Variants in APBA1 observed in about 807,000 individuals in gnomAD.
The protein encoded by APBA1 is amyloid beta precursor protein binding family A member 1.
A neutral mutation model predicts 86.6 loss-of-function variants in APBA1; 55 were observed. The observed-to-expected ratio is 0.64, with a 90% CI of 0.51 to 0.80. APBA1 has a LOEUF of 0.80. Among genes scored for constraint, APBA1 ranks in the 30% least tolerant of loss-of-function variants. APBA1 has a pLI of 0.00. For synonymous variants in APBA1, 511 were observed against 493.9 expected, an observed-to-expected ratio of 1.03 and a Z score of -0.46; for missense variants, 1,090 against 1,183.0, an observed-to-expected ratio of 0.92 and a Z score of 1.15.
At chr9:69,651,863 C>A (rs1187024687) in intron 1 of APBA1, among the ~76,000 whole-genome samples, 1 of 152,152 alleles carries the variant, frequency 6.6e-6, no homozygotes, top group Non-Finnish European at 1.5e-5. Flanking sequence ...CACATACACA[C>A]CAAACCAAAT....
At chr9:69,561,564 T>C (rs1468858744) in intron 1 of APBA1, among the ~76,000 whole-genome samples, 1 of 151,862 alleles carries the variant, frequency 6.6e-6, no homozygotes, top group Non-Finnish European at 1.5e-5. Context: ...AGAAGTACAC[T>C]GGAGTCCTGA....
At chr9:69,538,318 C>T (rs919013380) in intron 1 of APBA1, among the ~76,000 whole-genome samples, 1 of 152,204 alleles carries the variant, frequency 6.6e-6, no homozygotes, top group East Asian at 1.9e-4. Flanking sequence ...ATTCTAATTA[C>T]GGGTTGACAT....
chr9:69,466,823 G>C (rs959100000), intron 5 of APBA1, among the ~76,000 whole-genome samples: 16 of 152,348 alleles, frequency 1.1e-4, no homozygotes, highest in African/African-American at 3.8e-4. Flanking sequence ...GTGTGAGAGA[G>C]AAGGTATGAA....
intron 1 of APBA1, among the ~76,000 whole-genome samples, chr9:69,617,002 C>T (rs1175424353): frequency 6.6e-6 from 1 of 152,090 alleles, no homozygotes; most frequent in Admixed American, 6.5e-5. Context: ...AACAATGCAA[C>T]CTTGCACAAG....
chr9:69,506,088 C>T (rs553249272), intron 2 of APBA1, among the ~76,000 whole-genome samples: 24 of 151,576 alleles, frequency 1.6e-4, no homozygotes, highest in South Asian at 6.3e-4. Context: ...GGAACAGCTC[C>T]GGTCTACAGC....
At chr9:69,485,576 CA>C (rs34862651) in intron 2 of APBA1, among the ~76,000 whole-genome samples, 109,431 of 151,858 alleles carry the variant, frequency 0.72, 39,787 homozygotes, top group East Asian at 0.82. Context: ...CAATTTTAAG[CA>C]AATGAGACAT....
In APBA1 at chr9:69,516,246, T is replaced by C. The variant is rs1319549305; in HGVS notation, c.965A>G (p.Gln322Arg). Residue 322 changes from glutamine (Q) to arginine (R), a missense_variant, in exon 2 of 13, where the codon CAG becomes CGG. Around this residue, in one of 6 missense-constraint regions of APBA1, gnomAD observed 678 missense variants for 647.1 expected, o/e 1.05. Coordinates refer to ENST00000265381, the MANE Select transcript of APBA1 (RefSeq NM_001163.4). This position sits in a 1 kb window ranked among gnomAD's most constrained non-coding sequence, Gnocchi z 7.3. ...GCCCGCGGGGCCCACCGCCCGCTGC[T>C]GCCCCGCCGGCGCCTGCAGCCCGGG... is the stretch of plus-strand genomic sequence containing the variant. ...DSPGLQAPAG[Q>R]QRAVGPAGGG... 2 of 1,393,398 alleles carry C rather than the reference T, an allele frequency of 1.4e-6. No homozygotes were observed. Among genetic ancestry groups the C allele is most frequent in the South Asian group, 3.2e-5 (2 of 62,584 alleles). 86.3% of individuals were successfully genotyped at this position (1,393,398 alleles called of 1,614,324 possible). A position where few individuals can be genotyped will look rare whatever the true frequency, so the allele number is the denominator to read the frequency against.
intron 1 of APBA1, among the ~76,000 whole-genome samples, chr9:69,584,037 T>G (rs192079850): frequency 6.6e-6 from 1 of 152,382 alleles, no homozygotes; most frequent in Non-Finnish European, 1.5e-5. Context: ...GAGGAATGGC[T>G]AAGATTAGTA....
chr9:69,481,929 T>C (rs902956139), intron 2 of APBA1, among the ~76,000 whole-genome samples: 1 of 151,642 alleles, frequency 6.6e-6, no homozygotes, highest in African/African-American at 2.4e-5. Flanking sequence ...TGTAGAAAGC[T>C]GAAACTGGAT....
intron 1 of APBA1, among the ~76,000 whole-genome samples, chr9:69,529,717 G>A (rs922779761): frequency 6.6e-6 from 1 of 151,974 alleles, no homozygotes; most frequent in Admixed American, 6.6e-5. Flanking sequence ...TTTTTAATTT[G>A]CTTTATTAAA....
chr9:69,428,384 G>A lies in APBA1; in HGVS notation c.*2943C>T, dbSNP rs888769837. 1 of 152,408 alleles carries A rather than the reference G, an allele frequency of 6.6e-6. No individual in the cohort carries two copies. Among genetic ancestry groups the A allele is most frequent in the Non-Finnish European group, 1.5e-5 (1 of 68,174 alleles). The allele number at this position is 152,408 out of a possible 1,614,324, so 9.4% of individuals were successfully genotyped here. ...GGTGTCGCTGGAGAAGTGGGCTCCA[G>A]GCATTGGTCTTTGGGGGTTTCTTCC... On this transcript the variant is annotated 3_prime_UTR_variant, in exon 13 of 13. Coordinates refer to ENST00000265381, the MANE Select transcript of APBA1 (RefSeq NM_001163.4).
At chr9:69,612,905 G>T (rs189809432) in intron 1 of APBA1, among the ~76,000 whole-genome samples, 8 of 152,152 alleles carry the variant, frequency 5.3e-5, no homozygotes, top group Admixed American at 5.2e-4. Flanking sequence ...TGTATTTGTG[G>T]TAAAGCAGGT....
At chr9:69,557,999 A>T (rs1836888805) in intron 1 of APBA1, among the ~76,000 whole-genome samples, 1 of 152,208 alleles carries the variant, frequency 6.6e-6, no homozygotes, top group African/African-American at 2.4e-5. Context: ...TTTCTGAGGC[A>T]TACATGTTAG....
chr9:69,569,470 TGTG>T (rs1837081940), intron 1 of APBA1, among the ~76,000 whole-genome samples: 1 of 151,788 alleles, frequency 6.6e-6, no homozygotes, highest in Non-Finnish European at 1.5e-5. Context: ...TGTGTGTGTG[TGTG>T]TGTGTGTGTG....
At chr9:69,642,647 T>G (rs773810704) in intron 1 of APBA1, among the ~76,000 whole-genome samples, 6 of 151,788 alleles carry the variant, frequency 4.0e-5, no homozygotes, top group South Asian at 4.2e-4. Context: ...GAGAGAGAGA[T>G]AGAGAGAGAT....
chr9:69,435,119 T>C (rs1270596245), intron 11 of APBA1, among the ~76,000 whole-genome samples: 5 of 152,094 alleles, frequency 3.3e-5, no homozygotes, highest in Non-Finnish European at 5.9e-5. Flanking sequence ...ACAAAGGACA[T>C]GAACTCATCC....
chr9:69,644,499 A>C (rs1454664415), intron 1 of APBA1, among the ~76,000 whole-genome samples: 4 of 152,176 alleles, frequency 2.6e-5, no homozygotes. Context: ...TAGCCCATTC[A>C]CATTCTGGCA....
At position 69,431,140 on chromosome 9, in the gene APBA1, T is replaced by TG. The variant is rs1291811567; in HGVS notation, c.*186dup. 144 of 445,470 alleles carry TG rather than the reference T, an allele frequency of 3.2e-4. No homozygotes were observed. The highest frequency in any genetic ancestry group is 2.1e-3 in the African/African-American group (79 of 37,838). 27.6% of individuals were successfully genotyped at this position (445,470 alleles called of 1,614,324 possible). On this transcript the variant is annotated 3_prime_UTR_variant, in exon 13 of 13. Transcript: ENST00000265381. Reference sequence around the variant, plus strand: ...AGTGCATACGAAACTTCCCTGGTATTGAAAAAAAAAAAAAAAAAAAAGCAA... The same window carrying TG: ...AGTGCATACGAAACTTCCCTGGTATTGGAAAAAAAAAAAAAAAAAAAAGCAA...
chr9:69,468,091 T>C, intron 4 of APBA1, 123 bp from the exon 5 acceptor site: 1 of 1,129,576 alleles, frequency 8.9e-7, no homozygotes, highest in Non-Finnish European at 1.3e-6. Flanking sequence ...GCCAACCTGC[T>C]GGTCTGAGGC....
Sources: allele counts gnomAD v4.1 joint callset (sites outside exome capture counted in the v4.1 genomes callset), GRCh38; gene constraint gnomAD v4.1.1; regional missense constraint gnomAD v4.1.1; non-coding constraint Gnocchi (gnomAD v3.1); transcripts MANE v1.5; gene names NCBI Gene and HGNC (gene_info 2026-07-23, HGNC 2026-07-21).